NEBL: variants seen among roughly 807,000 people sequenced by gnomAD.
NEBL encodes nebulette.
Under a neutral mutation model 140.2 loss-of-function variants are expected in NEBL, and 122 were observed. The observed-to-expected ratio is 0.87, with a 90% CI of 0.75 to 1.01. The LOEUF is 1.01. Ranked by LOEUF, NEBL falls within the 50% of genes least tolerant of loss-of-function variation. The pLI is 0.00. For synonymous variants in NEBL, 436 were observed against 398.9 expected (o/e 1.09, Z -1.11); for missense variants, 1,365 against 1,231.3 (o/e 1.11, Z -1.62).
intron 2 of NEBL, among the ~76,000 whole-genome samples, chr10:21,123,751 T>C (rs313791): frequency 0.52 from 77,928 of 150,272 alleles, 24,378 homozygotes; most frequent in African/African-American, 0.88. Flanking sequence ...CATCTCAAAC[T>C]AATATATTCA....
intron 4 of NEBL, among the ~76,000 whole-genome samples, chr10:20,906,468 A>G (rs894660111): frequency 6.6e-6 from 1 of 152,206 alleles, no homozygotes; most frequent in African/African-American, 2.4e-5. Context: ...AACTTAAACT[A>G]TAAGATAATA....
At chr10:20,941,345 C>T (rs946377100) in intron 4 of NEBL, among the ~76,000 whole-genome samples, 20 of 152,332 alleles carry the variant, frequency 1.3e-4, no homozygotes, top group African/African-American at 4.8e-4. Context: ...ACATGATTAT[C>T]TCAATAGATG....
intron 2 of NEBL, among the ~76,000 whole-genome samples, chr10:21,078,731 C>T (rs549160431): frequency 1.3e-5 from 2 of 152,218 alleles, no homozygotes; most frequent in African/African-American, 4.8e-5. Flanking sequence ...AGATCATTCT[C>T]TCTATATCCA....
At chr10:21,148,198 A>C (rs868390158) in intron 2 of NEBL, among the ~76,000 whole-genome samples, 3 of 152,336 alleles carry the variant, frequency 2.0e-5, no homozygotes, top group Admixed American at 6.5e-5. Context: ...TAACACGTGC[A>C]AATGTCCCAG....
intron 2 of NEBL, among the ~76,000 whole-genome samples, chr10:21,026,308 A>AG (rs1163420581): frequency 7.2e-6 from 1 of 139,376 alleles, no homozygotes; most frequent in African/African-American, 2.6e-5. Flanking sequence ...GCCAGAAATG[A>AG]GGCTATCCTA....
In NEBL at chr10:21,098,825, G is replaced by A. The variant is rs1200736486; in HGVS notation, c.164+73558C>T. Among the ~76,000 whole-genome samples, 5 of 152,218 alleles carry A rather than the reference G, an allele frequency of 3.3e-5. No homozygotes were observed. The East Asian group carries it at 9.6e-4, about 29-fold the overall frequency. The stretch of plus-strand genomic sequence containing the variant: ...TGCCTGTAGCCACAGGTTTAGCAAA[G>A]AAATCAAAGTGAGATAAATCTAGCC... On this transcript the variant is annotated intron_variant, in intron 2 of 6. Transcript: ENST00000417816.
intron 2 of NEBL, among the ~76,000 whole-genome samples, chr10:21,112,539 T>C (rs1307954708): frequency 9.4e-6 from 1 of 106,546 alleles, no homozygotes; most frequent in African/African-American, 3.8e-5. Flanking sequence ...AACTGAACAA[T>C]GGGAACACTT....
chr10:21,271,524 A>T (rs1019444577), intron 1 of NEBL, among the ~76,000 whole-genome samples: 2 of 150,910 alleles, frequency 1.3e-5, no homozygotes, highest in Non-Finnish European at 2.9e-5. Flanking sequence ...TAGTAAACAG[A>T]TCTTTTTTTT....
chr10:21,053,287 T>C (rs1834858803), intron 2 of NEBL, among the ~76,000 whole-genome samples: 1 of 152,188 alleles, frequency 6.6e-6, no homozygotes, highest in South Asian at 2.1e-4. Context: ...GAGTGTTAAT[T>C]AAGTGATGTT....
intron 3 of NEBL, among the ~76,000 whole-genome samples, chr10:21,191,628 T>A (rs1841575448): frequency 6.6e-6 from 1 of 152,228 alleles, no homozygotes; most frequent in Non-Finnish European, 1.5e-5. Flanking sequence ...GAAACCAGCA[T>A]TTGCTACTGG....
chr10:21,241,838 T>C (rs1842443434), intron 3 of NEBL, among the ~76,000 whole-genome samples: 2 of 152,184 alleles, frequency 1.3e-5, no homozygotes, highest in African/African-American at 4.8e-5. Context: ...ATCAAGTTCT[T>C]TATAGACCTG....
At chr10:21,092,811 C>T (rs1317074127) in intron 2 of NEBL, among the ~76,000 whole-genome samples, 1 of 152,000 alleles carries the variant, frequency 6.6e-6, no homozygotes, top group Non-Finnish European at 1.5e-5. Flanking sequence ...AAGAATGAAT[C>T]GAGTAAGGCA....
At chr10:21,138,275 T>C (rs1352282697) in intron 2 of NEBL, among the ~76,000 whole-genome samples, 2 of 152,152 alleles carry the variant, frequency 1.3e-5, no homozygotes, top group Non-Finnish European at 2.9e-5. Context: ...GAGAAACAGA[T>C]GCATCCAAGG....
intron 1 of NEBL, among the ~76,000 whole-genome samples, chr10:21,256,633 C>G (rs1336171460): frequency 6.6e-6 from 1 of 152,114 alleles, no homozygotes; most frequent in Admixed American, 6.6e-5. Flanking sequence ...GAGTTCGAGA[C>G]CAGCCTAGGC....
At position 21,016,004 on chromosome 10, in the gene NEBL, C is replaced by T. The variant is rs536699105; in HGVS notation, c.249+4113G>A. 1.3e-4 allele frequency among the ~76,000 whole-genome samples: 20 copies of T among 152,368 alleles called. No individual in the cohort carries two copies. The East Asian group carries it at 1.3e-3, about 10-fold the overall frequency. ...AAAGCCTGATGCCCCCGCAGGTGAACTATAATGTTGCTGATTCCACCAGAA... is the reference window on the plus strand; with the variant it reads ...AAAGCCTGATGCCCCCGCAGGTGAATTATAATGTTGCTGATTCCACCAGAA... On this transcript the variant is annotated intron_variant, in intron 3 of 6. Coordinates refer to the NEBL transcript ENST00000417816.
intron 2 of NEBL, among the ~76,000 whole-genome samples, chr10:21,167,118 ACCCAGC>A (rs1252574744): frequency 3.3e-5 from 5 of 152,338 alleles, no homozygotes; most frequent in African/African-American, 1.2e-4. Flanking sequence ...CACGAGATGC[ACCCAGC>A]CCAGCCTCTT....
Position 20,812,613 on chromosome 10 carries a change from G to A in NEBL, c.2518+156C>T, listed in dbSNP as rs559594901. 6.6e-5 allele frequency among the ~76,000 whole-genome samples: 10 copies of A among 152,116 alleles called. No homozygotes were observed. In the East Asian group the frequency reaches 1.5e-3, roughly 24 times the overall value. On this transcript the variant is annotated intron_variant, in intron 24 of 27. Transcript: ENST00000377122. ...AATGCCAGAAATCCCATTCCACATC[G>A]TACAAAAATAATACTTTACCTGCGG...
At chr10:21,244,326 C>T (rs1332134804) in intron 3 of NEBL, among the ~76,000 whole-genome samples, 1 of 147,598 alleles carries the variant, frequency 6.8e-6, no homozygotes, top group Admixed American at 6.7e-5. Flanking sequence ...CCACCATGCC[C>T]AGCTAAATTT....
rs775121456 is a variant in NEBL, at chr10:20,868,676, T to A, written c.672A>T (p.Lys224Asn). ...ACTAAAGCCTTACTTGACTAGAAAG[T>A]TTAGAAGCTTCCACGGCATGTTCAA... ...PDFEHAVEASKLSSQIKYKEK... is the reference protein window; with the variant it reads ...PDFEHAVEASNLSSQIKYKEK... The change falls in exon 7 of 28, where the codon AAA (lysine) becomes AAT (asparagine). Residue 224 changes from lysine (K) to asparagine (N), a missense_variant. This residue lies in a region of NEBL where 1,323 missense variants were observed against 1,154.8 expected (regional missense o/e 1.15). Coordinates refer to ENST00000377122, the MANE Select transcript of NEBL (RefSeq NM_006393.3). The A allele has an allele frequency of 6.2e-7, 1 of 1,607,534 alleles. No homozygotes were observed. The highest frequency in any genetic ancestry group is 8.5e-7 in the Non-Finnish European group (1 of 1,174,118).
Sources: allele counts gnomAD v4.1 joint callset (sites outside exome capture counted in the v4.1 genomes callset), GRCh38; gene constraint gnomAD v4.1.1; regional missense constraint gnomAD v4.1.1; transcripts MANE v1.5; gene names NCBI Gene and HGNC (gene_info 2026-07-23, HGNC 2026-07-21).